Variants in FER1L6 observed in about 807,000 individuals in gnomAD.
FER1L6 encodes the protein fer-1 like family member 6.
Under a neutral mutation model 219.2 loss-of-function variants are expected in FER1L6, and 177 were observed. That is an observed-to-expected ratio of 0.81 (90% CI 0.71 to 0.91). The LOEUF is 0.91. Among genes scored for constraint, FER1L6 ranks in the 40% least tolerant of loss-of-function variants. The pLI is 0.00. For synonymous variants in FER1L6, 768 were observed against 824.3 expected, an observed-to-expected ratio of 0.93 and a Z score of 1.17; for missense variants, 2,153 against 2,259.9, an observed-to-expected ratio of 0.95 and a Z score of 0.96.
intron 1 of FER1L6, among the ~76,000 whole-genome samples, chr8:123,926,889 C>T (rs181274099): frequency 6.6e-5 from 10 of 151,958 alleles, no homozygotes; most frequent in Non-Finnish European, 1.3e-4. Context: ...CTACTTAATT[C>T]TCTCTCTCTC....
intron 1 of FER1L6, chr8:123,925,005 T>C (rs1269605265): frequency 2.0e-5 from 3 of 152,272 alleles, no homozygotes; most frequent in Non-Finnish European, 4.4e-5. Flanking sequence ...ATGGGCTATC[T>C]AAAATTCAAT....
chr8:124,117,036 T>C (rs1823276562), intron 39 of FER1L6, among the ~76,000 whole-genome samples: 1 of 152,192 alleles, frequency 6.6e-6, no homozygotes, highest in Non-Finnish European at 1.5e-5. Context: ...AATCATCTCA[T>C]GTTAGAGCTA....
At chr8:123,890,364 C>T (rs568557899) in intron 1 of FER1L6, among the ~76,000 whole-genome samples, 6 of 152,062 alleles carry the variant, frequency 3.9e-5, no homozygotes, top group African/African-American at 1.4e-4. Flanking sequence ...AGGAGAAAAA[C>T]TGGGGGTTGG....
chr8:123,887,491 T>C (rs1817225730), intron 1 of FER1L6, among the ~76,000 whole-genome samples: 1 of 152,164 alleles, frequency 6.6e-6, no homozygotes, highest in African/African-American at 2.4e-5. Context: ...GCATTCTCGA[T>C]TGACTTGGAA....
chr8:124,099,374 A>G (rs1822454678), intron 37 of FER1L6, among the ~76,000 whole-genome samples: 1 of 152,198 alleles, frequency 6.6e-6, no homozygotes. Context: ...TTCTTATCTC[A>G]GTGACTGGCA....
chr8:123,902,198 A>T (rs1331638038), intron 1 of FER1L6, among the ~76,000 whole-genome samples: 1 of 152,020 alleles, frequency 6.6e-6, no homozygotes, highest in Non-Finnish European at 1.5e-5. Flanking sequence ...ATTTTCTTAA[A>T]TTTATTGAGG....
intron 24 of FER1L6, 78 bp downstream of exon 24, chr8:124,060,787 C>G: frequency 7.0e-7 from 1 of 1,430,202 alleles, no homozygotes. Flanking sequence ...TTCAGATGTC[C>G]ACTAGCTGCG....
chr8:124,023,884 A>G (rs1451532437), intron 18 of FER1L6, among the ~76,000 whole-genome samples: 3 of 142,248 alleles, frequency 2.1e-5, no homozygotes, highest in Admixed American at 2.1e-4. Flanking sequence ...TAGTATTAAT[A>G]ACAATGAACC....
intron 18 of FER1L6, among the ~76,000 whole-genome samples, chr8:124,024,963 G>A (rs1818640408): frequency 6.6e-6 from 1 of 152,104 alleles, no homozygotes; most frequent in Non-Finnish European, 1.5e-5. Context: ...GATTAGTGAT[G>A]CTGAGCATTT....
intron 33 of FER1L6, among the ~76,000 whole-genome samples, chr8:124,083,179 A>G (rs1269528265): frequency 6.6e-6 from 1 of 151,852 alleles, no homozygotes; most frequent in Non-Finnish European, 1.5e-5. Flanking sequence ...TCTCTTAGTT[A>G]TTTTAAAATA....
chr8:124,079,630 G>A (rs1482274354), intron 32 of FER1L6, among the ~76,000 whole-genome samples: 1 of 152,190 alleles, frequency 6.6e-6, no homozygotes, highest in Non-Finnish European at 1.5e-5. Context: ...CCAGCTACTG[G>A]AGAGGTATAC....
intron 39 of FER1L6, 44 bp from the exon 40 acceptor site, chr8:124,118,800 G>C: frequency 6.4e-7 from 1 of 1,565,058 alleles, no homozygotes; most frequent in Non-Finnish European, 8.8e-7. Context: ...TTGGCTCAGT[G>C]GGTCTTTGTG....
chr8:123,942,483 A>G (rs755329465), intron 1 of FER1L6, among the ~76,000 whole-genome samples: 2 of 152,232 alleles, frequency 1.3e-5, no homozygotes, highest in Non-Finnish European at 2.9e-5. Flanking sequence ...TTCAAACAGC[A>G]TCATCCTCTC....
At chr8:123,875,636 T>TAACA (rs951338892) in intron 1 of FER1L6, among the ~76,000 whole-genome samples, 4 of 152,246 alleles carry the variant, frequency 2.6e-5, no homozygotes, top group African/African-American at 7.2e-5. Context: ...TGTTCATCTC[T>TAACA]AACAGGCATC....
chr8:123,991,183 G>A (rs1019598001), intron 12 of FER1L6, among the ~76,000 whole-genome samples: 1 of 151,992 alleles, frequency 6.6e-6, no homozygotes, highest in Non-Finnish European at 1.5e-5. Context: ...GGATTGCTTT[G>A]GCTATTTGTG....
chr8:123,966,042 T>C lies in FER1L6; in HGVS notation c.233T>C (p.Val78Ala). Residue 78 changes from valine to alanine, a missense_variant, in exon 4 of 41, where the codon GTC (valine) becomes GCC (alanine). Transcript: ENST00000522917. ...KLLTKIHDGE[V>A]RSQNYQIAIT... ...TTGACTAAGATCCATGATGGGGAGG[T>C]CAGATCCCAAAATTATCAAGTAAGT... The C allele has an allele frequency of 6.2e-7, 1 of 1,613,504 alleles. No homozygotes were observed. The highest frequency in any genetic ancestry group is 8.5e-7 in the Non-Finnish European group (1 of 1,179,738).
chr8:124,020,165 G>T (rs1391621711), intron 16 of FER1L6, among the ~76,000 whole-genome samples: 2 of 152,104 alleles, frequency 1.3e-5, no homozygotes, highest in Non-Finnish European at 2.9e-5. Context: ...TTATTTGCCT[G>T]CTGCCATCCA....
intron 1 of FER1L6, among the ~76,000 whole-genome samples, chr8:123,878,645 G>A (rs993690710): frequency 2.6e-4 from 39 of 152,286 alleles, no homozygotes; most frequent in African/African-American, 7.2e-4. Context: ...GAGCATAAAC[G>A]AATTAACATC....
At chr8:123,958,210 C>T (rs2130143364) in intron 2 of FER1L6, among the ~76,000 whole-genome samples, 1 of 152,324 alleles carries the variant, frequency 6.6e-6, no homozygotes, top group East Asian at 1.9e-4. Flanking sequence ...ATGGCAAAGA[C>T]TGGATGGTCC....
Sources: allele counts gnomAD v4.1 joint callset (sites outside exome capture counted in the v4.1 genomes callset), GRCh38; gene constraint gnomAD v4.1.1; transcripts MANE v1.5; gene names NCBI Gene and HGNC (gene_info 2026-07-23, HGNC 2026-07-21).